The following SMOC1 variants were observed in gnomAD, a reference collection of about 807,000 sequenced individuals.
SMOC1 encodes the protein SPARC-related modular calcium-binding protein 1.
In SMOC1, 22 loss-of-function variants were observed where a neutral mutation model predicts 56.3. That is an observed-to-expected ratio of 0.39 (90% CI 0.28 to 0.56). The LOEUF (loss-of-function observed/expected upper bound fraction) is 0.56. Ranked by LOEUF, SMOC1 falls within the 20% of genes least tolerant of loss-of-function variation. SMOC1 has a pLI of 0.61. For missense variants in SMOC1, 509 were observed against 565.4 expected (o/e 0.90, Z 1.01); for synonymous variants, 193 against 215.0 (o/e 0.90, Z 0.89).
intron 1 of SMOC1, among the ~76,000 whole-genome samples, chr14:69,948,286 G>A (rs1882866461): frequency 6.6e-6 from 1 of 152,168 alleles, no homozygotes; most frequent in Non-Finnish European, 1.5e-5. Context: ...ATGAAAATGT[G>A]ACACCATAAT....
intron 5 of SMOC1, 58 bp from the exon 6 acceptor site, chr14:69,992,359 A>C (rs1278407324): frequency 2.6e-6 from 4 of 1,554,190 alleles, no homozygotes; most frequent in Non-Finnish European, 3.6e-6. Context: ...TGGAGAGTAG[A>C]TAGTATTTAC....
At chr14:69,963,812 A>G (rs1449685381) in intron 3 of SMOC1, among the ~76,000 whole-genome samples, 1 of 152,196 alleles carries the variant, frequency 6.6e-6, no homozygotes, top group Admixed American at 6.5e-5. Context: ...GCAGGGTCTG[A>G]CCCATTCATG....
chr14:69,978,678 C>T (rs150866757), intron 5 of SMOC1, among the ~76,000 whole-genome samples: 1 of 152,248 alleles, frequency 6.6e-6, no homozygotes, highest in African/African-American at 2.4e-5. Context: ...ATTAAAATAA[C>T]ACCGTGACAA....
chr14:69,906,271 A>G (rs145480766), intron 1 of SMOC1, among the ~76,000 whole-genome samples: 45 of 152,338 alleles, frequency 3.0e-4, no homozygotes, highest in African/African-American at 1.0e-3. Context: ...AGGTAATAAA[A>G]GAAGATACAG....
At chr14:70,023,705 G>A (rs1885820027) in intron 11 of SMOC1, among the ~76,000 whole-genome samples, 1 of 152,116 alleles carries the variant, frequency 6.6e-6, no homozygotes, top group Non-Finnish European at 1.5e-5. Context: ...TGCTAGGGTG[G>A]GCCAGGCTAC....
At chr14:70,007,822 A>G (rs1430994571) in intron 7 of SMOC1, among the ~76,000 whole-genome samples, 28 of 152,246 alleles carry the variant, frequency 1.8e-4, no homozygotes. Context: ...CCTGGCACAT[A>G]TCACTCAATG....
At chr14:70,012,414 C>T (rs143039698) in intron 9 of SMOC1, among the ~76,000 whole-genome samples, 9 of 152,296 alleles carry the variant, frequency 5.9e-5, no homozygotes, top group Admixed American at 1.3e-4. Flanking sequence ...GTGGAGGAGA[C>T]AGATTGGATA....
chr14:70,025,708 A>G (rs780009770), intron 11 of SMOC1, among the ~76,000 whole-genome samples: 1 of 152,216 alleles, frequency 6.6e-6, no homozygotes, highest in Non-Finnish European at 1.5e-5. Context: ...GAAATCCGAT[A>G]TGCTCCAGTG....
At chr14:70,010,999 A>G (rs1233944420) in intron 8 of SMOC1, 53 bp downstream of exon 8, 98 of 1,599,158 alleles carry the variant, frequency 6.1e-5, no homozygotes, top group Non-Finnish European at 8.4e-5. Context: ...GCTGTTATCC[A>G]TGCTGGCATC....
intron 3 of SMOC1, among the ~76,000 whole-genome samples, chr14:69,961,272 GTATATA>G (rs35703501): frequency 0.042 from 3,148 of 74,876 alleles, 112 homozygotes; most frequent in Middle Eastern, 0.075. Flanking sequence ...ATTCTATTGT[GTATATA>G]TATATATATA....
At chr14:69,955,100 T>C (rs1883138192) in intron 3 of SMOC1, among the ~76,000 whole-genome samples, 1 of 152,062 alleles carries the variant, frequency 6.6e-6, no homozygotes, top group African/African-American at 2.4e-5. Context: ...CACAAGCCTG[T>C]GAGGTAGGTG....
chr14:69,932,078 G>C (rs981280678), intron 1 of SMOC1, among the ~76,000 whole-genome samples: 1 of 152,250 alleles, frequency 6.6e-6, no homozygotes, highest in African/African-American at 2.4e-5. Context: ...AACCCGAGCT[G>C]TTCCTCAACC....
intron 1 of SMOC1, among the ~76,000 whole-genome samples, chr14:69,913,704 C>T (rs1162056954): frequency 6.6e-6 from 1 of 152,142 alleles, no homozygotes; most frequent in Non-Finnish European, 1.5e-5. Context: ...TCCGATTTTG[C>T]TCTTGAGTGT....
intron 1 of SMOC1, among the ~76,000 whole-genome samples, chr14:69,943,321 C>T (rs541769066): frequency 2.6e-5 from 4 of 152,314 alleles, no homozygotes; most frequent in South Asian, 4.2e-4. Context: ...TCCATCTTCA[C>T]GGAGCCCCCC....
At chr14:69,986,359 T>C (rs1176572792) in intron 5 of SMOC1, among the ~76,000 whole-genome samples, 1 of 152,088 alleles carries the variant, frequency 6.6e-6, no homozygotes, top group Non-Finnish European at 1.5e-5. Flanking sequence ...AGTCTACACG[T>C]GGATAAAATT....
rs566081545 is a variant in SMOC1, at chr14:70,000,630, G to A, written c.664+6150G>A. 1.9e-4 allele frequency among the ~76,000 whole-genome samples: 29 copies of A among 152,270 alleles called. 2 individuals are homozygous for A. In the South Asian group the frequency reaches 5.6e-3, roughly 29 times the overall value. On this transcript the variant is annotated intron_variant, in intron 7 of 11. Coordinates refer to ENST00000361956, the MANE Select transcript of SMOC1 (RefSeq NM_001034852.3). ...AAGAAAAATGCCTCCATGCTATATT[G>A]GGACAATCCATCCTGGAAGAAATAT... is the stretch of plus-strand genomic sequence containing the variant.
At chr14:69,928,978 GTC>G (rs1885090799) in intron 1 of SMOC1, among the ~76,000 whole-genome samples, 1 of 152,202 alleles carries the variant, frequency 6.6e-6, no homozygotes, top group South Asian at 2.1e-4. Flanking sequence ...CCATCTGGAA[GTC>G]TCTGTACACT....
intron 1 of SMOC1, among the ~76,000 whole-genome samples, chr14:69,910,468 A>G (rs2139345402): frequency 6.6e-6 from 1 of 152,344 alleles, no homozygotes; most frequent in East Asian, 1.9e-4. Flanking sequence ...TCTAGGGTAG[A>G]GTATACGATG....
At chr14:70,014,907 A>G (rs927973402) in intron 10 of SMOC1, among the ~76,000 whole-genome samples, 1 of 152,248 alleles carries the variant, frequency 6.6e-6, no homozygotes, top group Non-Finnish European at 1.5e-5. Flanking sequence ...TGGCAGGACC[A>G]TGTGGTATGT....
Sources: allele counts gnomAD v4.1 joint callset (sites outside exome capture counted in the v4.1 genomes callset), GRCh38; gene constraint gnomAD v4.1.1; transcripts MANE v1.5; gene names NCBI Gene and HGNC (gene_info 2026-07-23, HGNC 2026-07-21).